The following MBOAT7 variants were observed in gnomAD, a reference collection of about 807,000 sequenced individuals.
MBOAT7 encodes the protein membrane bound acylglycerophosphatidylinositol O-acyltransferase MBOAT7.
Under a neutral mutation model 47.4 loss-of-function variants are expected in MBOAT7, and 40 were observed. The observed-to-expected ratio is 0.84, with a 90% confidence interval of 0.66 to 1.10. MBOAT7 has a LOEUF of 1.10. Ranked by LOEUF, MBOAT7 falls within the 50% of genes least tolerant of loss-of-function variation. MBOAT7 has a pLI of 0.00. For synonymous variants in MBOAT7, 361 were observed against 292.0 expected (o/e 1.24, Z -2.41); for missense variants, 680 against 655.6 (o/e 1.04, Z -0.41).
At position 54,181,031 on chromosome 19, in the gene MBOAT7, G is replaced by A. The variant is rs1369504591; in HGVS notation, c.596C>T (p.Pro199Leu). ...RPLLRRAWPA[P>L]LFGLLFLLSS... ...GAGCAGGAACAGCAGGCCGAAGAGC[G>A]GGGCCGGCCAGGCGCGGCGCAGCAG... Residue 199 changes from proline to leucine, a missense_variant, in exon 6 of 8, where the codon CCG becomes CTG. Coordinates refer to ENST00000245615, the MANE Select transcript of MBOAT7 (RefSeq NM_024298.5). The A allele has an allele frequency of 9.0e-6, 14 of 1,551,818 alleles. No homozygotes were observed. Among genetic ancestry groups the A allele is most frequent in the East Asian group, 7.2e-5 (3 of 41,626 alleles).
Position 54,179,002 on chromosome 19 carries a change from C to T in MBOAT7, c.855-61G>A, listed in dbSNP as rs774012720. 56 of 1,579,700 alleles carry T rather than the reference C, an allele frequency of 3.5e-5. No individual in the cohort carries two copies. The African/African-American group carries it at 4.4e-4, about 12-fold the overall frequency. ...GCAGCTCAGCCAGGCCCCCTCCCGACGCCTGCTAGTGTCCCAGCCCCGGAT... is the reference window on the plus strand; with the variant it reads ...GCAGCTCAGCCAGGCCCCCTCCCGATGCCTGCTAGTGTCCCAGCCCCGGAT... On this transcript the variant is annotated intron_variant, in intron 6 of 7. Transcript: ENST00000245615.
chr19:54,175,126 C>CAG (rs2076060653), intron 7 of MBOAT7, among the ~76,000 whole-genome samples: 1 of 152,110 alleles, frequency 6.6e-6, no homozygotes, highest in Non-Finnish European at 1.5e-5. Flanking sequence ...CAGGCGCCTG[C>CAG]CACCACGCCC....
chr19:54,183,453 A>G (rs1006036297), intron 5 of MBOAT7, 68 bp downstream of exon 5: 18 of 1,559,286 alleles, frequency 1.2e-5, no homozygotes, highest in Non-Finnish European at 1.6e-5. Context: ...GGAACACAGA[A>G]CAGGCACTCA....
chr19:54,174,398 C>T lies in MBOAT7; in HGVS notation c.1065G>A (p.Trp355Ter). Residue 355 changes from tryptophan to a stop codon, truncating the protein, a stop_gained, in exon 8 of 8, where the codon TGG becomes TGA. Coordinates refer to ENST00000245615, the MANE Select transcript of MBOAT7 (RefSeq NM_024298.5). LOFTEE classifies it high-confidence loss of function. ...GGTAGTAGCCCGGGTGGAGGCCGTG[C>T]CAGTAGGCGCTCAGCAGCATGGTCC... is the stretch of plus-strand genomic sequence containing the variant. ...SAWTMLLSAY[W>*]HGLHPGYYLS... The T allele has an allele frequency of 1.9e-6, 3 of 1,597,904 alleles. No homozygotes were observed. Among genetic ancestry groups the T allele is most frequent in the Non-Finnish European group, 1.7e-6 (2 of 1,172,082 alleles).
At chr19:54,175,111 G>A (rs1218537714) in intron 7 of MBOAT7, among the ~76,000 whole-genome samples, 9 of 151,918 alleles carry the variant, frequency 5.9e-5, no homozygotes, top group Non-Finnish European at 1.2e-4. Flanking sequence ...GAGTAGCTGG[G>A]ACTACAGGCG....
chr19:54,187,633 G>A (rs2076466676), intron 3 of MBOAT7, among the ~76,000 whole-genome samples: 1 of 152,232 alleles, frequency 6.6e-6, no homozygotes, highest in Admixed American at 6.5e-5. Context: ...GGCCAGGCCA[G>A]CAGACACACT....
intron 7 of MBOAT7, among the ~76,000 whole-genome samples, chr19:54,176,843 A>G (rs1187748412): frequency 6.6e-6 from 1 of 152,100 alleles, no homozygotes; most frequent in African/African-American, 2.4e-5. Context: ...GCTTGGGGCC[A>G]GGAGTTTGAG....
At position 54,174,423 on chromosome 19, in the gene MBOAT7, C is replaced by T; in HGVS notation, c.1040G>A (p.Trp347Ter). 1 of 1,560,818 alleles carries T rather than the reference C, an allele frequency of 6.4e-7. No homozygotes were observed. Among genetic ancestry groups the T allele is most frequent in the South Asian group, 1.2e-5 (1 of 84,494 alleles). Residue 347 changes from tryptophan (W) to a stop codon, truncating the protein, a stop_gained, in exon 8 of 8, where the codon TGG becomes TAG. Transcript: ENST00000245615. LOFTEE classifies it high-confidence loss of function. ...PARSYVLRSA[W>*]TMLLSAYWHG... ...CCAGTAGGCGCTCAGCAGCATGGTCCAGGCGCTCCTGAGGAGGAGGCTGGG... is the reference window on the plus strand; with the variant it reads ...CCAGTAGGCGCTCAGCAGCATGGTCTAGGCGCTCCTGAGGAGGAGGCTGGG...
In MBOAT7 at chr19:54,178,843, C is replaced by T. The variant is rs763676201; in HGVS notation, c.953G>A (p.Arg318Gln). ...CCACTGCACCGTCATGTTCCAGTAC[C>T]GCATGCCATCGCGCACCCGCACGCA... ...DFCVRVRDGM[R>Q]YWNMTVQWWL... Residue 318 changes from arginine to glutamine, a missense_variant, in exon 7 of 8, where the codon CGG becomes CAG. Arg to Gln is a conservative substitution (Grantham distance 43). Coordinates refer to ENST00000245615, the MANE Select transcript of MBOAT7 (RefSeq NM_024298.5). 30 of 1,613,558 alleles carry T rather than the reference C, an allele frequency of 1.9e-5. No homozygotes were observed. In the Admixed American group the frequency reaches 4.0e-4, roughly 22 times the overall value.
At position 54,174,034 on chromosome 19, in the gene MBOAT7, T is replaced by TCGTGACAGCTTACTCCTCC; in HGVS notation, c.1410_*9dup. 1 of 1,563,884 alleles carries TCGTGACAGCTTACTCCTCC rather than the reference T, an allele frequency of 6.4e-7. No homozygotes were observed. The highest frequency in any genetic ancestry group is 8.6e-7 in the Non-Finnish European group (1 of 1,160,184). On this transcript the variant is annotated 3_prime_UTR_variant, in exon 8 of 8. Coordinates refer to ENST00000245615, the MANE Select transcript of MBOAT7 (RefSeq NM_024298.5). ...CCGGGACCAGCTGGCAGAGGGAGCGTCGTGACAGCTTACTCCTCCCGGAGC... is the reference window on the plus strand; with the variant it reads ...CCGGGACCAGCTGGCAGAGGGAGCGTCGTGACAGCTTACTCCTCCCGTGACAGCTTACTCCTCCCGGAGC...
rs1456512186 is a variant in MBOAT7, at chr19:54,178,944, G to C, written c.855-3C>G. 3.1e-6 allele frequency: 5 copies of C among 1,611,906 alleles called. No homozygotes were observed. Among genetic ancestry groups the C allele is most frequent in the South Asian group, 1.1e-5 (1 of 91,028 alleles). ...CCAAGGAAGCCGCCTTCTCCGGACT[G>C]GGGGGTGGAGGATGAGGGTGGGGGA... On this transcript the variant is annotated splice_region_variant and splice_polypyrimidine_tract_variant and intron_variant, in intron 6 of 7. Transcript: ENST00000245615.
chr19:54,187,274 G>A lies in MBOAT7; in HGVS notation c.220C>T (p.Leu74=). ...IQAQPCSCHA[L]ALAWTFSYLL... Reference sequence around the variant, plus strand: ...TAGGAGAAAGTCCAGGCCAGAGCCAGGGCGTGGCAGGAGCTGGGCAAAAGC... The same window carrying A: ...TAGGAGAAAGTCCAGGCCAGAGCCAAGGCGTGGCAGGAGCTGGGCAAAAGC... Residue 74 remains leucine, a synonymous_variant, in exon 4 of 8, where the codon CTG becomes TTG. Transcript: ENST00000245615. The A allele has an allele frequency of 6.2e-7, 1 of 1,610,088 alleles. No individual in the cohort carries two copies. The highest frequency in any genetic ancestry group is 1.3e-5 in the African/African-American group (1 of 75,014).
chr19:54,180,765 C>G lies in MBOAT7; in HGVS notation c.854+8G>C. The stretch of plus-strand genomic sequence containing the variant: ...GGGTCTTGGGAAGCCTCCCTCGCGC[C>G]GCCTGACCTGCTGGGGGGTGGGCAT... On this transcript the variant is annotated splice_region_variant and intron_variant, in intron 6 of 7. Coordinates refer to ENST00000245615, the MANE Select transcript of MBOAT7 (RefSeq NM_024298.5). This position sits in a 1 kb window ranked among gnomAD's most constrained non-coding sequence, Gnocchi z 5.2. 3 of 1,512,276 alleles carry G rather than the reference C, an allele frequency of 2.0e-6. No homozygotes were observed. The highest frequency in any genetic ancestry group is 2.6e-6 in the Non-Finnish European group (3 of 1,138,106). 93.7% of individuals were successfully genotyped at this position (1,512,276 alleles called of 1,614,324 possible).
intron 7 of MBOAT7, among the ~76,000 whole-genome samples, chr19:54,177,337 C>T (rs887139098): frequency 6.6e-6 from 1 of 151,678 alleles, no homozygotes; most frequent in African/African-American, 2.4e-5. Flanking sequence ...GCTCTGTTGC[C>T]CAGGCTGGAG....
chr19:54,182,906 G>A (rs896246558), intron 5 of MBOAT7, among the ~76,000 whole-genome samples: 3 of 152,142 alleles, frequency 2.0e-5, no homozygotes, highest in Admixed American at 6.6e-5. Flanking sequence ...TCACCATGTT[G>A]GCCAGGCTGG....
chr19:54,182,594 A>G (rs2147003351), intron 5 of MBOAT7, among the ~76,000 whole-genome samples: 1 of 152,202 alleles, frequency 6.6e-6, no homozygotes, highest in African/African-American at 2.4e-5. Context: ...TGTTATTGGA[A>G]AAAAAACCTT....
Position 54,180,080 on chromosome 19 carries a change from A to C in MBOAT7, c.854+693T>G, listed in dbSNP as rs1016588095. On this transcript the variant is annotated intron_variant, in intron 6 of 7. Transcript: ENST00000245615. This position sits in a 1 kb window ranked among gnomAD's most constrained non-coding sequence, Gnocchi z 5.2. ...CAACAAGGGTCAACCCATAGTTTCCAGGGGGAGGTTTGGCTTCCTTAGCAA... is the reference window on the plus strand; with the variant it reads ...CAACAAGGGTCAACCCATAGTTTCCCGGGGGAGGTTTGGCTTCCTTAGCAA... 1 of 152,184 alleles carries C rather than the reference A, an allele frequency of 6.6e-6. No individual in the cohort carries two copies. The highest frequency in any genetic ancestry group is 2.4e-5 in the African/African-American group (1 of 41,428). 9.4% of individuals were successfully genotyped at this position (152,184 alleles called of 1,614,324 possible). A position where few individuals can be genotyped will look rare whatever the true frequency, so the allele number is the denominator to read the frequency against.
chr19:54,178,923 G>C lies in MBOAT7; in HGVS notation c.873C>G (p.Ser291=). 1 of 1,613,110 alleles carries C rather than the reference G, an allele frequency of 6.2e-7. No individual in the cohort carries two copies. The highest frequency in any genetic ancestry group is 8.5e-7 in the Non-Finnish European group (1 of 1,179,922). The change falls in exon 7 of 8, where the codon TCC becomes TCG. Residue 291 remains serine, a synonymous_variant. Coordinates refer to ENST00000245615, the MANE Select transcript of MBOAT7 (RefSeq NM_024298.5). ...PPPSSPEKAA[S]LEYDYETIRN... ...GGATGGTCTCATAGTCATACTCCAA[G>C]GAAGCCGCCTTCTCCGGACTGGGGG...
intron 6 of MBOAT7, 62 bp from the exon 7 acceptor site, chr19:54,179,003 G>A (rs1258395254): frequency 1.7e-5 from 27 of 1,575,764 alleles, no homozygotes; most frequent in African/African-American, 5.4e-5. Flanking sequence ...CCCTCCCGAC[G>A]CCTGCTAGTG....
Sources: allele counts gnomAD v4.1 joint callset (sites outside exome capture counted in the v4.1 genomes callset), GRCh38; gene constraint gnomAD v4.1.1; non-coding constraint Gnocchi (gnomAD v3.1); transcripts MANE v1.5; gene names NCBI Gene and HGNC (gene_info 2026-07-23, HGNC 2026-07-21).